The following DLG2 variants were observed in gnomAD, a reference collection of about 807,000 sequenced individuals.
DLG2 encodes the protein disks large homolog 2.
Under a neutral mutation model 132.5 loss-of-function variants are expected in DLG2, and 45 were observed. The ratio of observed to expected loss-of-function variants is 0.34; its 90% CI spans 0.27 to 0.44. The LOEUF (loss-of-function observed/expected upper bound fraction) is 0.44. Among genes scored for constraint, DLG2 ranks in the 20% least tolerant of loss-of-function variants. The pLI is 1.00. For synonymous variants in DLG2, 424 were observed against 419.6 expected (o/e 1.01, Z -0.13); for missense variants, 1,045 against 1,196.9 (o/e 0.87, Z 1.87).
intron 17 of DLG2, among the ~76,000 whole-genome samples, chr11:83,819,151 T>C (rs2049974698): frequency 6.6e-6 from 1 of 152,082 alleles, no homozygotes; most frequent in African/African-American, 2.4e-5. Context: ...CCGCTCAGCA[T>C]GGAGGCAGAC....
intron 11 of DLG2, among the ~76,000 whole-genome samples, chr11:84,027,444 A>T (rs2095566318): frequency 6.6e-6 from 1 of 152,046 alleles, no homozygotes; most frequent in African/African-American, 2.4e-5. Flanking sequence ...ATATACAATG[A>T]TCAAAACATG....
At chr11:84,900,750 T>G (rs2090783128) in intron 6 of DLG2, among the ~76,000 whole-genome samples, 1 of 152,076 alleles carries the variant, frequency 6.6e-6, no homozygotes, top group African/African-American at 2.4e-5. Context: ...AATGATCTTC[T>G]GCAACAGAAA....
At chr11:85,027,232 A>T (rs1419928184) in intron 6 of DLG2, among the ~76,000 whole-genome samples, 1 of 141,994 alleles carries the variant, frequency 7.0e-6, no homozygotes, top group Non-Finnish European at 1.5e-5. Flanking sequence ...AAGAACTAAG[A>T]TATAAAACTG....
chr11:84,462,529 T>C (rs1055191763), intron 7 of DLG2, among the ~76,000 whole-genome samples: 3 of 151,010 alleles, frequency 2.0e-5, no homozygotes, highest in East Asian at 1.9e-4. Context: ...AACTAAGAAA[T>C]GAACCTATGT....
chr11:83,707,443 G>A (rs1443807526), intron 18 of DLG2, among the ~76,000 whole-genome samples: 6 of 152,222 alleles, frequency 3.9e-5, no homozygotes, highest in South Asian at 2.1e-4. Context: ...GCCGAGGGGG[G>A]CAGATCACCT....
At chr11:85,462,433 C>T (rs1025096741) in intron 3 of DLG2, among the ~76,000 whole-genome samples, 3 of 152,126 alleles carry the variant, frequency 2.0e-5, no homozygotes, top group African/African-American at 7.2e-5. Flanking sequence ...TGGATTAAGA[C>T]AATGTGGCAC....
At chr11:84,995,130 C>A (rs1390874864) in intron 6 of DLG2, among the ~76,000 whole-genome samples, 1 of 152,138 alleles carries the variant, frequency 6.6e-6, no homozygotes, top group Non-Finnish European at 1.5e-5. Flanking sequence ...TAATCCTAGT[C>A]AATTTATTTA....
intron 3 of DLG2, among the ~76,000 whole-genome samples, chr11:85,360,594 T>G (rs2084068256): frequency 6.6e-6 from 1 of 152,202 alleles, no homozygotes. Flanking sequence ...CTGATTAGTT[T>G]GGTCTGATCT....
chr11:84,545,111 GC>G (rs142964125), intron 6 of DLG2: 18,072 of 449,248 alleles, frequency 0.04, 465 homozygotes, highest in Middle Eastern at 0.061. Context: ...CTCACGCTAA[GC>G]TTTGTTTCTT....
Position 85,339,544 on chromosome 11 carries a change from GA to G in DLG2, c.41-54180del, listed in dbSNP as rs1437647600. Among the ~76,000 whole-genome samples the G allele has an allele frequency of 2.0e-5, 3 of 152,006 alleles. No homozygotes were observed. In the East Asian group the frequency reaches 5.8e-4, roughly 29 times the overall value. On this transcript the variant is annotated intron_variant, in intron 3 of 27. Transcript: ENST00000376104. ...AGAATGTGTTATATTTTTTATAAGG[GA>G]AAAAATGATGTCTCAGTGCTATTTA... is the stretch of plus-strand genomic sequence containing the variant.
In DLG2 at chr11:85,191,162, G is replaced by GCGCA. The variant is rs34410192; in HGVS notation, c.187-36512_187-36511insTGCG. Among the ~76,000 whole-genome samples, 851 of 139,904 alleles carry GCGCA rather than the reference G, an allele frequency of 6.1e-3. 8 individuals carry two copies. The highest frequency in any genetic ancestry group is 0.023 in the Middle Eastern group (6 of 266). 91.8% of individuals were successfully genotyped at this position (139,904 alleles called of 152,430 possible). A position where few individuals can be genotyped will look rare whatever the true frequency, so the allele number is the denominator to read the frequency against. On this transcript the variant is annotated intron_variant, in intron 4 of 27. Coordinates refer to ENST00000376104, the MANE Select transcript of DLG2 (RefSeq NM_001142699.3). ...TATGCATGCGCGCGCGCGCACGCGC[G>GCGCA]CACACACACACACACACACACACAC... is the stretch of plus-strand genomic sequence containing the variant.
At chr11:85,161,374 C>A (rs2078017218) in intron 4 of DLG2, among the ~76,000 whole-genome samples, 3 of 152,180 alleles carry the variant, frequency 2.0e-5, no homozygotes, top group Admixed American at 6.5e-5. Context: ...ATGGCCACTG[C>A]TGAGTGTCCA....
At chr11:84,154,261 G>C (rs2095374144) in intron 9 of DLG2, among the ~76,000 whole-genome samples, 2 of 152,196 alleles carry the variant, frequency 1.3e-5, no homozygotes, top group South Asian at 4.1e-4. Flanking sequence ...GCCTCCCAAA[G>C]TGCTGGGATT....
chr11:85,127,264 CTA>C (rs370185072), intron 5 of DLG2, among the ~76,000 whole-genome samples: 3 of 114,742 alleles, frequency 2.6e-5, no homozygotes, highest in Non-Finnish European at 1.7e-5. Context: ...CTCTCTCTTT[CTA>C]TCTCTCTCTC....
At chr11:83,985,781 A>C (rs2093234763) in intron 11 of DLG2, among the ~76,000 whole-genome samples, 1 of 152,062 alleles carries the variant, frequency 6.6e-6, no homozygotes, top group Admixed American at 6.6e-5. Flanking sequence ...GGTTGATTCC[A>C]TGTCTTTGCT....
chr11:83,742,384 AAT>A (rs2153721368), intron 18 of DLG2, among the ~76,000 whole-genome samples: 1 of 152,294 alleles, frequency 6.6e-6, no homozygotes, highest in South Asian at 2.1e-4. Context: ...GAGAAAAATA[AAT>A]AGTACTCTAA....
At chr11:84,693,823 C>T (rs186673954) in intron 6 of DLG2, among the ~76,000 whole-genome samples, 1 of 151,770 alleles carries the variant, frequency 6.6e-6, no homozygotes, top group Non-Finnish European at 1.5e-5. Context: ...GTCCCTTCCA[C>T]CTGAAATGTT....
At chr11:83,643,700 C>T (rs1023507243) in intron 18 of DLG2, 37 of 152,146 alleles carry the variant, frequency 2.4e-4, no homozygotes, top group African/African-American at 7.7e-4. Context: ...CAAACTAATA[C>T]ACCACTATTC....
intron 3 of DLG2, among the ~76,000 whole-genome samples, chr11:85,489,535 G>A (rs1018038619): frequency 3.3e-5 from 5 of 151,890 alleles, no homozygotes; most frequent in African/African-American, 7.3e-5. Context: ...ACATGAAACC[G>A]AAATTGGACT....
Sources: allele counts gnomAD v4.1 joint callset (sites outside exome capture counted in the v4.1 genomes callset), GRCh38; gene constraint gnomAD v4.1.1; transcripts MANE v1.5; gene names NCBI Gene and HGNC (gene_info 2026-07-23, HGNC 2026-07-21).